MACC1: variants seen among roughly 807,000 people sequenced by gnomAD.
The protein encoded by MACC1 is metastasis-associated in colon cancer protein 1.
A neutral mutation model predicts 70.7 loss-of-function variants in MACC1; 79 were observed. The ratio of observed to expected loss-of-function variants is 1.12; its 90% CI spans 0.93 to 1.35. The LOEUF (loss-of-function observed/expected upper bound fraction) is 1.35, where lower values mean the gene tolerates loss of function less well. MACC1 is among the 40% of genes most tolerant of loss of function. The pLI is 0.00. For missense variants in MACC1, 1,106 were observed against 978.1 expected, an observed-to-expected ratio of 1.13 and a Z score of -1.74; for synonymous variants, 361 against 347.2, an observed-to-expected ratio of 1.04 and a Z score of -0.44.
At position 20,141,158 on chromosome 7, in the gene MACC1, T is replaced by C. The variant is rs1472311638; in HGVS notation, c.2347A>G (p.Met783Val). The stretch of plus-strand genomic sequence containing the variant: ...AAATCATAGGCAGGTTTCCACATCA[T>C]CTATAAAGAAAAAAAATAGATTGGA... ...RGNTGDVAVE[M>V]MWKPAYDFLY... Residue 783 changes from methionine to valine, a missense_variant and splice_region_variant, in exon 7 of 7, where the codon ATG becomes GTG. Coordinates refer to ENST00000400331, the MANE Select transcript of MACC1 (RefSeq NM_182762.4). 3 of 1,572,774 alleles carry C rather than the reference T, an allele frequency of 1.9e-6. No individual in the cohort carries two copies. Among genetic ancestry groups the C allele is most frequent in the Middle Eastern group, 3.4e-4 (2 of 5,866 alleles).
intron 1 of MACC1, among the ~76,000 whole-genome samples, chr7:20,186,303 A>G (rs990193336): frequency 1.3e-5 from 2 of 152,186 alleles, no homozygotes; most frequent in African/African-American, 4.8e-5. Context: ...ATTTATGACC[A>G]ACAACATTCT....
At chr7:20,198,744 A>G (rs938119535) in intron 1 of MACC1, 1 of 152,256 alleles carries the variant, frequency 6.6e-6, no homozygotes, top group East Asian at 1.9e-4. Flanking sequence ...AATTAATTCA[A>G]TCTAAAGAAT....
intron 1 of MACC1, among the ~76,000 whole-genome samples, chr7:20,172,362 G>A (rs17142532): frequency 0.13 from 19,110 of 152,122 alleles, 2,146 homozygotes; most frequent in East Asian, 0.59. Context: ...TAGTATATAA[G>A]TACGTAGTCC....
rs1781702844 is a variant in MACC1 at position 20,135,126 on chromosome 7, A to G, written c.*5820T>C. On this transcript the variant is annotated 3_prime_UTR_variant, in exon 7 of 7. Transcript: ENST00000400331. ...CAACAAATAACACACTAGGGAAAACAAGGCTTTTTCCGAAGATATTTTACA... is the reference window on the plus strand; with the variant it reads ...CAACAAATAACACACTAGGGAAAACGAGGCTTTTTCCGAAGATATTTTACA... The G allele has an allele frequency of 6.6e-6, 1 of 152,220 alleles. No individual in the cohort carries two copies. Among genetic ancestry groups the G allele is most frequent in the South Asian group, 2.1e-4 (1 of 4,828 alleles). 9.4% of individuals were successfully genotyped at this position (152,220 alleles called of 1,614,324 possible). A position where few individuals can be genotyped will look rare whatever the true frequency, so the allele number is the denominator to read the frequency against.
At chr7:20,144,075 C>T (rs1207003799) in intron 6 of MACC1, among the ~76,000 whole-genome samples, 5 of 152,162 alleles carry the variant, frequency 3.3e-5, no homozygotes, top group Non-Finnish European at 7.3e-5. Flanking sequence ...TCATTGGTAG[C>T]TCTCAACAAA....
chr7:20,216,835 C>A (rs114564559), intron 1 of MACC1, among the ~76,000 whole-genome samples: 1 of 152,128 alleles, frequency 6.6e-6, no homozygotes, highest in African/African-American at 2.4e-5. Flanking sequence ...TGAGACTTTG[C>A]GAGGTGAAAC....
intron 5 of MACC1, 145 bp from the exon 6 acceptor site, chr7:20,154,526 T>C: frequency 1.2e-6 from 1 of 818,056 alleles, no homozygotes; most frequent in Non-Finnish European, 1.9e-6. Flanking sequence ...GCTCAAGGAG[T>C]TGATTCACAT....
At chr7:20,144,529 T>C (rs1034836614) in intron 6 of MACC1, among the ~76,000 whole-genome samples, 1 of 152,228 alleles carries the variant, frequency 6.6e-6, no homozygotes, top group Non-Finnish European at 1.5e-5. Context: ...CTATAAAATA[T>C]GGATAATCAT....
At chr7:20,187,718 C>G (rs905058218) in intron 1 of MACC1, among the ~76,000 whole-genome samples, 1 of 152,162 alleles carries the variant, frequency 6.6e-6, no homozygotes, top group Non-Finnish European at 1.5e-5. Context: ...GGGTTGTTAA[C>G]CCCAGCTGGG....
chr7:20,142,759 T>C (rs1028126734), intron 6 of MACC1, among the ~76,000 whole-genome samples: 1 of 152,206 alleles, frequency 6.6e-6, no homozygotes, highest in Non-Finnish European at 1.5e-5. Context: ...TATTCTGTAG[T>C]GGGTATATTC....
At position 20,160,190 on chromosome 7, in the gene MACC1, A is replaced by G; in HGVS notation, c.171T>C (p.Gly57=). 1 of 1,606,252 alleles carries G rather than the reference A, an allele frequency of 6.2e-7. No individual in the cohort carries two copies. The highest frequency in any genetic ancestry group is 1.3e-5 in the African/African-American group (1 of 74,516). The change falls in exon 5 of 7, where the codon GGT becomes GGC. Residue 57 remains glycine, a synonymous_variant. Coordinates refer to ENST00000400331, the MANE Select transcript of MACC1 (RefSeq NM_182762.4). ...GATTTGCAACTTTGGAAGCATTATT[A>G]CCACGAAGGGTGAAAGCATCCGGCC... ...HNWPDAFTLR[G]NNASKVANPF...
At position 20,141,095 on chromosome 7, in the gene MACC1, T is replaced by G; in HGVS notation, c.2410A>C (p.Arg804=). Residue 804 remains arginine (R), a synonymous_variant, in exon 7 of 7, where the codon AGA becomes CGA. Transcript: ENST00000400331. ...TWSAHYGNNY[R]DVLQDLQSAL... is the part of the protein sequence containing the mutation. ...GACTGAAGGTCTTGTAACACATCTC[T>G]GTAGTTATTTCCATAGTGAGCACTC... 6.2e-7 allele frequency: 1 copy of G among 1,613,354 alleles called. No individual in the cohort carries two copies. Among genetic ancestry groups the G allele is most frequent in the Non-Finnish European group, 8.5e-7 (1 of 1,179,730 alleles).
intron 1 of MACC1, among the ~76,000 whole-genome samples, chr7:20,190,940 G>T (rs1054568631): frequency 1.3e-5 from 2 of 152,190 alleles, no homozygotes; most frequent in African/African-American, 4.8e-5. Flanking sequence ...ATAAACAAGG[G>T]AAGATATTAA....
intron 1 of MACC1, among the ~76,000 whole-genome samples, chr7:20,176,304 AAAGAG>A (rs1206780132): frequency 6.6e-6 from 1 of 152,092 alleles, no homozygotes; most frequent in African/African-American, 2.4e-5. Context: ...CGTAAAAATA[AAAGAG>A]AAGTCTATAC....
chr7:20,166,187 T>C (rs374605662), intron 2 of MACC1, among the ~76,000 whole-genome samples: 155 of 152,346 alleles, frequency 1.0e-3, no homozygotes, highest in Admixed American at 2.9e-3. Flanking sequence ...GAATTTGTAC[T>C]GTATTTAACT....
At chr7:20,142,582 C>T (rs919995847) in intron 6 of MACC1, among the ~76,000 whole-genome samples, 1 of 152,164 alleles carries the variant, frequency 6.6e-6, no homozygotes, top group Non-Finnish European at 1.5e-5. Flanking sequence ...GGCATCTGCT[C>T]ATCTATATTT....
chr7:20,210,062 T>A (rs971791725), intron 1 of MACC1, among the ~76,000 whole-genome samples: 3 of 152,202 alleles, frequency 2.0e-5, no homozygotes, highest in Non-Finnish European at 4.4e-5. Flanking sequence ...TAAGCCTCTT[T>A]TCTTTATAAA....
rs143168001 is a variant in MACC1 at position 20,207,226 on chromosome 7, C to T, written c.-218+10073G>A. ...CGCAGTCTCGGCTCACTGCAACCTC[C>T]GCCTCCTAGGTTCAAGCGATTCTCC... On this transcript the variant is annotated intron_variant, in intron 1 of 6. Coordinates refer to ENST00000400331, the MANE Select transcript of MACC1 (RefSeq NM_182762.4). 2.5e-4 allele frequency among the ~76,000 whole-genome samples: 38 copies of T among 152,040 alleles called. 1 individual carries two copies. The highest frequency in any genetic ancestry group is 6.8e-4 in the African/African-American group (28 of 41,480).
At chr7:20,171,498 C>A (rs970438312) in intron 1 of MACC1, among the ~76,000 whole-genome samples, 2 of 152,004 alleles carry the variant, frequency 1.3e-5, no homozygotes, top group African/African-American at 2.4e-5. Flanking sequence ...TTGTGATCCG[C>A]CTGCCTCGGC....
Sources: gnomAD v4.1 joint callset for allele counts (sites outside exome capture counted in the v4.1 genomes callset) on GRCh38, gnomAD v4.1.1 for gene constraint, MANE v1.5 for transcripts, NCBI Gene and HGNC (gene_info 2026-07-23, HGNC 2026-07-21) for gene names.